Variants in TENM4 observed in about 807,000 individuals in gnomAD.
The protein encoded by TENM4 is teneurin-4.
TENM4 carries 82 observed loss-of-function variants against 243.3 expected under a neutral mutation model. The observed-to-expected ratio is 0.34, with a 90% CI of 0.28 to 0.40. TENM4 has a LOEUF of 0.40. Among genes scored for constraint, TENM4 ranks in the 10% least tolerant of loss-of-function variants. The probability of loss-of-function intolerance (pLI) is 1.00; values close to 1 mark genes in which losing one functional copy is unlikely to be tolerated. For synonymous variants in TENM4, 1,412 were observed against 1,456.3 expected (o/e 0.97, Z 0.69); for missense variants, 3,138 against 3,673.3 (o/e 0.85, Z 3.77).
intron 30 of TENM4, 52 bp downstream of exon 30, chr11:78,676,100 G>GT (rs2135695970): frequency 1.4e-6 from 2 of 1,412,144 alleles, no homozygotes; most frequent in Admixed American, 2.6e-5. Context: ...CCGTTCTCCC[G>GT]TTCCCCATTC....
intron 1 of TENM4, among the ~76,000 whole-genome samples, chr11:79,379,536 G>C (rs541046047): frequency 6.6e-6 from 1 of 152,190 alleles, no homozygotes; most frequent in Admixed American, 6.5e-5. Context: ...GGTTCAAGGA[G>C]TACTGTGATA....
chr11:78,833,889 C>G (rs1220109986), intron 12 of TENM4, among the ~76,000 whole-genome samples: 1 of 152,212 alleles, frequency 6.6e-6, no homozygotes, highest in East Asian at 1.9e-4. Context: ...TCAGGCTCTT[C>G]TCTAGTGATG....
At chr11:79,279,262 C>A (rs1337450710) in intron 2 of TENM4, among the ~76,000 whole-genome samples, 2 of 152,160 alleles carry the variant, frequency 1.3e-5, no homozygotes, top group Non-Finnish European at 2.9e-5. Context: ...TCCCAGAAGG[C>A]CTTAGAGAGA....
At chr11:79,101,768 T>C (rs1861238332) in intron 4 of TENM4, among the ~76,000 whole-genome samples, 2 of 152,094 alleles carry the variant, frequency 1.3e-5, no homozygotes, top group Non-Finnish European at 2.9e-5. Flanking sequence ...ACTCTGAAAA[T>C]GACATAAAGT....
chr11:78,735,633 T>C (rs1320492745), intron 20 of TENM4, among the ~76,000 whole-genome samples: 1 of 152,208 alleles, frequency 6.6e-6, no homozygotes, highest in Non-Finnish European at 1.5e-5. Context: ...GGCCTGGTTA[T>C]CATATGAAGC....
At chr11:78,700,117 T>G (rs137978587) in intron 28 of TENM4, among the ~76,000 whole-genome samples, 150 of 152,374 alleles carry the variant, frequency 9.8e-4, no homozygotes, top group African/African-American at 3.0e-3. Context: ...CAGATCCTTT[T>G]CCTTTGGATT....
chr11:79,008,508 G>T (rs952195002), intron 6 of TENM4, among the ~76,000 whole-genome samples: 16 of 152,216 alleles, frequency 1.1e-4, no homozygotes, highest in Admixed American at 4.6e-4. Context: ...TTTTGACATA[G>T]CTATGATACA....
chr11:79,254,003 G>C (rs1024813571), intron 2 of TENM4, among the ~76,000 whole-genome samples: 1 of 152,168 alleles, frequency 6.6e-6, no homozygotes. Flanking sequence ...TCCCTATCAG[G>C]TTGGTGAAAA....
chr11:78,914,064 C>G (rs1856259644), intron 6 of TENM4, among the ~76,000 whole-genome samples: 1 of 152,162 alleles, frequency 6.6e-6, no homozygotes, highest in Non-Finnish European at 1.5e-5. Flanking sequence ...AATTCATGTG[C>G]TAGGAAATAA....
intron 6 of TENM4, among the ~76,000 whole-genome samples, chr11:78,988,666 A>G (rs115896436): frequency 6.2e-4 from 95 of 152,146 alleles, no homozygotes; most frequent in African/African-American, 2.1e-3. Flanking sequence ...GGTTTTCACA[A>G]TCCCCCCACT....
chr11:79,013,786 C>T (rs1442702775), intron 6 of TENM4, among the ~76,000 whole-genome samples: 2 of 152,188 alleles, frequency 1.3e-5, no homozygotes, highest in Non-Finnish European at 2.9e-5. Flanking sequence ...GGAAGTATAA[C>T]AACTCCTCTG....
chr11:79,176,348 C>G (rs151018535), intron 3 of TENM4, among the ~76,000 whole-genome samples: 3 of 152,312 alleles, frequency 2.0e-5, no homozygotes, highest in African/African-American at 7.2e-5. Context: ...GCCACTGACT[C>G]CTTGCCAAGA....
At chr11:78,957,471 T>TGAATA (rs1857231224) in intron 6 of TENM4, among the ~76,000 whole-genome samples, 1 of 152,246 alleles carries the variant, frequency 6.6e-6, no homozygotes, top group Non-Finnish European at 1.5e-5. Context: ...CCAGGGACTC[T>TGAATA]GAATAGGTTC....
At chr11:78,753,517 G>A (rs906477303) in intron 19 of TENM4, among the ~76,000 whole-genome samples, 10 of 152,142 alleles carry the variant, frequency 6.6e-5, no homozygotes, top group African/African-American at 2.2e-4. Context: ...CAAGATCATC[G>A]AATACCAAGT....
intron 3 of TENM4, among the ~76,000 whole-genome samples, chr11:79,198,109 TA>T (rs1260885662): frequency 1.3e-5 from 2 of 152,236 alleles, no homozygotes; most frequent in African/African-American, 4.8e-5. Flanking sequence ...ACTCAACAAA[TA>T]AATAGTAACT....
At chr11:78,672,478 C>A (rs1858357092) in intron 30 of TENM4, 149 bp from the exon 31 acceptor site, 2 of 831,984 alleles carry the variant, frequency 2.4e-6, no homozygotes, top group East Asian at 5.3e-5. Flanking sequence ...GGTTTGAATC[C>A]TGGCTCTGTC....
At position 79,211,375 on chromosome 11, in the gene TENM4, C is replaced by T. The variant is rs183872445; in HGVS notation, c.-163+4433G>A. Among the ~76,000 whole-genome samples the T allele has an allele frequency of 1.4e-4, 21 of 152,282 alleles. No homozygotes were observed. The East Asian group carries it at 2.1e-3, about 15-fold the overall frequency. The stretch of plus-strand genomic sequence containing the variant: ...CTTCCTCCTCACTCCCCGCTGGACT[C>T]GGGAGTATCTCACCTTTTATACCCA... On this transcript the variant is annotated intron_variant, in intron 3 of 33. Coordinates refer to ENST00000278550, the MANE Select transcript of TENM4 (RefSeq NM_001098816.3).
intron 1 of TENM4, among the ~76,000 whole-genome samples, chr11:79,316,569 A>G (rs1351507117): frequency 2.0e-5 from 3 of 152,182 alleles, no homozygotes; most frequent in Admixed American, 6.5e-5. Context: ...TTTCAATGAA[A>G]TTTTGTAACA....
chr11:78,773,397 T>C (rs1257351113), intron 17 of TENM4, among the ~76,000 whole-genome samples: 4 of 152,206 alleles, frequency 2.6e-5, no homozygotes, highest in Non-Finnish European at 5.9e-5. Context: ...GTATGCATGA[T>C]GCACAAAGCC....
Sources: gnomAD v4.1 joint callset for allele counts (sites outside exome capture counted in the v4.1 genomes callset) on GRCh38, gnomAD v4.1.1 for gene constraint, MANE v1.5 for transcripts, NCBI Gene and HGNC (gene_info 2026-07-23, HGNC 2026-07-21) for gene names.